NIPBL: variants seen among roughly 807,000 people sequenced by gnomAD.
The protein encoded by NIPBL is NIPBL cohesin loading factor, also known as nipped-B-like protein.
NIPBL carries 19 observed loss-of-function variants against 321.8 expected under a neutral mutation model. That is an observed-to-expected ratio of 0.06 (90% CI 0.04 to 0.09). The LOEUF (loss-of-function observed/expected upper bound fraction) is 0.09, where lower values mean the gene tolerates loss of function less well. Ranked by LOEUF, NIPBL falls within the 10% of genes least tolerant of loss-of-function variation. The probability of loss-of-function intolerance (pLI) is 1.00; values close to 1 mark genes in which losing one functional copy is unlikely to be tolerated. For missense variants in NIPBL, 2,210 were observed against 3,327.0 expected, an observed-to-expected ratio of 0.66 and a Z score of 8.26; for synonymous variants, 1,106 against 1,114.1, an observed-to-expected ratio of 0.99 and a Z score of 0.14.
At position 36,997,572 on chromosome 5, in the gene NIPBL, C is replaced by T. The variant is rs138562814; in HGVS notation, c.3304+1768C>T. Among the ~76,000 whole-genome samples, 526 of 152,126 alleles carry T rather than the reference C, an allele frequency of 3.5e-3. 8 individuals carry two copies. The highest frequency in any genetic ancestry group is 0.012 in the African/African-American group (508 of 41,504). ...CTGTTATATCTATGCCCAACTATATCGAAAGGTAATATTTATTTTAAAGAA... is the reference window on the plus strand; with the variant it reads ...CTGTTATATCTATGCCCAACTATATTGAAAGGTAATATTTATTTTAAAGAA... On this transcript the variant is annotated intron_variant, in intron 11 of 46. Coordinates refer to ENST00000282516, the MANE Select transcript of NIPBL (RefSeq NM_133433.4).
At chr5:36,938,334 A>G (rs907294774) in intron 1 of NIPBL, among the ~76,000 whole-genome samples, 2 of 151,864 alleles carry the variant, frequency 1.3e-5, no homozygotes, top group Non-Finnish European at 2.9e-5. Flanking sequence ...CACACCACAC[A>G]CACACACACA....
Position 36,996,695 on chromosome 5 carries a change from A to G in NIPBL, c.3304+891A>G. ...ATTCAGTGGAAACAGACTATGGGAG[A>G]TCTTCACTTGTGTGCCAACTGACTT... On this transcript the variant is annotated intron_variant, in intron 11 of 46. Transcript: ENST00000282516. This position sits in a 1 kb window ranked among gnomAD's most constrained non-coding sequence, Gnocchi z 5.0. The G allele has an allele frequency of 1.5e-5, 5 of 334,778 alleles. No individual in the cohort carries two copies. The highest frequency in any genetic ancestry group is 4.7e-5 in the South Asian group (2 of 42,678). The allele number at this position is 334,778 out of a possible 1,614,324, so 20.7% of individuals were successfully genotyped here.
In NIPBL at chr5:37,064,065, A is replaced by G. The variant is rs1028052550; in HGVS notation, c.8049+87A>G. On this transcript the variant is annotated intron_variant, in intron 46 of 46. Transcript: ENST00000282516. The stretch of plus-strand genomic sequence containing the variant: ...TTATATATGTCAGTCTATTAAATGT[A>G]CACCAAGTAATGTAATACTTAAAAG... 3 of 1,542,434 alleles carry G rather than the reference A, an allele frequency of 1.9e-6. No individual in the cohort carries two copies. The African/African-American group carries it at 4.1e-5, about 21-fold the overall frequency.
chr5:36,902,686 GGCTTTGTTCTTTTT>G (rs141537324), intron 1 of NIPBL, among the ~76,000 whole-genome samples: 2,115 of 152,106 alleles, frequency 0.014, 55 homozygotes, highest in African/African-American at 0.049. Flanking sequence ...TGATGCCTCT[GGCTTTGTTCTTTTT>G]GCTTAGGATT....
chr5:36,909,398 G>A (rs2149543726), intron 1 of NIPBL, among the ~76,000 whole-genome samples: 1 of 152,212 alleles, frequency 6.6e-6, no homozygotes, highest in African/African-American at 2.4e-5. Flanking sequence ...TTCTTATTTT[G>A]TTCCAAGATT....
chr5:36,913,725 A>G (rs756410851), intron 1 of NIPBL, among the ~76,000 whole-genome samples: 3 of 152,132 alleles, frequency 2.0e-5, no homozygotes, highest in Non-Finnish European at 2.9e-5. Context: ...GTTGAATACA[A>G]TTGTATTTAT....
chr5:36,925,531 T>C (rs1580246662), intron 1 of NIPBL, among the ~76,000 whole-genome samples: 1 of 151,990 alleles, frequency 6.6e-6, no homozygotes, highest in Non-Finnish European at 1.5e-5. Flanking sequence ...CTCCCAAAGT[T>C]CTGGTATTAA....
intron 11 of NIPBL, among the ~76,000 whole-genome samples, chr5:36,999,275 G>A (rs955470869): frequency 1.3e-5 from 2 of 152,142 alleles, no homozygotes; most frequent in Non-Finnish European, 2.9e-5. Flanking sequence ...CATAGTTAGG[G>A]ATTCAGAAAA....
chr5:36,939,729 A>G (rs1437360900), intron 1 of NIPBL, among the ~76,000 whole-genome samples: 1 of 152,200 alleles, frequency 6.6e-6, no homozygotes, highest in Admixed American at 6.6e-5. Context: ...TTGCTGTGTC[A>G]TCCCATCATG....
intron 6 of NIPBL, 84 bp from the exon 7 acceptor site, chr5:36,970,792 C>A: frequency 8.3e-7 from 1 of 1,209,530 alleles, no homozygotes; most frequent in Non-Finnish European, 1.2e-6. Flanking sequence ...TTTCTATATG[C>A]TTAAAATATT....
chr5:36,956,705 A>C lies in NIPBL; in HGVS notation c.230+1068A>C, dbSNP rs1016414144. Among the ~76,000 whole-genome samples the C allele has an allele frequency of 7.1e-5, 10 of 141,642 alleles. No homozygotes were observed. The East Asian group carries it at 8.5e-4, about 12-fold the overall frequency. The allele number at this position is 141,642 out of a possible 152,430, so 92.9% of individuals were successfully genotyped here. A position where few individuals can be genotyped will look rare whatever the true frequency, so the allele number is the denominator to read the frequency against. ...AGTGGTGCGATCTCGGCTCACTGCA[A>C]CCTCCACCTCCTGGGTTCAAGTGAT... On this transcript the variant is annotated intron_variant, in intron 3 of 46. Coordinates refer to ENST00000282516, the MANE Select transcript of NIPBL (RefSeq NM_133433.4).
At chr5:37,015,419 C>T (rs1580478984) in intron 22 of NIPBL, among the ~76,000 whole-genome samples, 2 of 152,316 alleles carry the variant, frequency 1.3e-5, no homozygotes, top group South Asian at 2.1e-4. Flanking sequence ...CCACTGCGCC[C>T]AGCCCAGCCT....
chr5:36,978,105 C>T (rs1279314245), intron 9 of NIPBL, among the ~76,000 whole-genome samples: 5 of 151,704 alleles, frequency 3.3e-5, no homozygotes, highest in African/African-American at 9.7e-5. Flanking sequence ...AATTTTTTTC[C>T]CTATGGATAG....
intron 1 of NIPBL, among the ~76,000 whole-genome samples, chr5:36,939,191 TG>T (rs1738791433): frequency 6.6e-6 from 1 of 152,264 alleles, no homozygotes; most frequent in South Asian, 2.1e-4. Context: ...TTTGTAGAGA[TG>T]GGCTTTTGCC....
chr5:36,998,704 GT>G (rs1373000105), intron 11 of NIPBL, among the ~76,000 whole-genome samples: 1 of 151,994 alleles, frequency 6.6e-6, no homozygotes, highest in African/African-American at 2.4e-5. Context: ...GTCATCCCTT[GT>G]AATGTAGGCA....
chr5:37,061,318 C>T (rs193093938), intron 45 of NIPBL, among the ~76,000 whole-genome samples: 19 of 152,200 alleles, frequency 1.2e-4, no homozygotes, highest in African/African-American at 1.9e-4. Context: ...CTGGTATCTG[C>T]GGGAAATTGG....
At chr5:37,052,641 A>G (rs910270255) in intron 42 of NIPBL, 75 bp downstream of exon 42, 1 of 1,112,238 alleles carries the variant, frequency 9.0e-7, no homozygotes. Context: ...CATTTTTTAA[A>G]TATTACCATT....
intron 32 of NIPBL, among the ~76,000 whole-genome samples, chr5:37,035,011 C>T (rs115987347): frequency 0.011 from 1,679 of 152,232 alleles, 18 homozygotes; most frequent in Middle Eastern, 0.051. Context: ...CAAGCTAGGC[C>T]GGGCATGGTA....
At chr5:36,990,293 G>A (rs1314047611) in intron 10 of NIPBL, among the ~76,000 whole-genome samples, 2 of 152,192 alleles carry the variant, frequency 1.3e-5, no homozygotes, top group African/African-American at 4.8e-5. Context: ...ACTACTAAAT[G>A]CTGATAACTA....
Sources: allele counts gnomAD v4.1 joint callset (sites outside exome capture counted in the v4.1 genomes callset), GRCh38; gene constraint gnomAD v4.1.1; non-coding constraint Gnocchi (gnomAD v3.1); transcripts MANE v1.5; gene names NCBI Gene and HGNC (gene_info 2026-07-23, HGNC 2026-07-21).